The following SLC39A12 variants were observed in gnomAD, a reference collection of about 807,000 sequenced individuals.
SLC39A12 encodes zinc transporter ZIP12.
Under a neutral mutation model 71.1 loss-of-function variants are expected in SLC39A12, and 63 were observed. The observed-to-expected ratio is 0.89, with a 90% CI of 0.72 to 1.09. The LOEUF (loss-of-function observed/expected upper bound fraction) is 1.09, where lower values mean the gene tolerates loss of function less well. Ranked by LOEUF, SLC39A12 falls within the 50% of genes least tolerant of loss-of-function variation. The probability of loss-of-function intolerance (pLI) is 0.00; values close to 1 mark genes in which losing one functional copy is unlikely to be tolerated. For missense variants in SLC39A12, 892 were observed against 812.6 expected (o/e 1.10, Z -1.19); for synonymous variants, 351 against 301.3 (o/e 1.16, Z -1.71).
chr10:17,966,724 C>G (rs1249198543), intron 4 of SLC39A12, among the ~76,000 whole-genome samples: 1 of 151,936 alleles, frequency 6.6e-6, no homozygotes, highest in African/African-American at 2.4e-5. Flanking sequence ...AATCCCAGCA[C>G]TTTGGGAGGC....
intron 12 of SLC39A12, chr10:18,005,635 G>C (rs980279344): frequency 6.6e-6 from 1 of 152,172 alleles, no homozygotes; most frequent in Non-Finnish European, 1.5e-5. Flanking sequence ...CAGAATTGAC[G>C]GGGGAAGGTT....
At position 18,041,639 on chromosome 10, in the gene SLC39A12, A is replaced by G. The variant is rs933334297; in HGVS notation, c.1948-1066A>G. ...TATACATATGTATATATGTGTATAT[A>G]TATGTATATACATATGTATATATGT... On this transcript the variant is annotated intron_variant, in intron 12 of 12. Transcript: ENST00000377369. Among the ~76,000 whole-genome samples the G allele has an allele frequency of 7.0e-3, 718 of 102,998 alleles. 8 individuals are homozygous for G. Among genetic ancestry groups the G allele is most frequent in the African/African-American group, 0.026 (669 of 25,494 alleles). 67.6% of individuals were successfully genotyped at this position (102,998 alleles called of 152,430 possible).
chr10:18,042,244 G>A (rs539289746), intron 12 of SLC39A12, among the ~76,000 whole-genome samples: 27 of 152,104 alleles, frequency 1.8e-4, no homozygotes, highest in South Asian at 1.5e-3. Flanking sequence ...TTGGGAGGCC[G>A]CAACATGCAG....
intron 4 of SLC39A12, among the ~76,000 whole-genome samples, chr10:17,965,942 GA>G (rs1043259157): frequency 6.6e-6 from 1 of 152,218 alleles, no homozygotes; most frequent in Non-Finnish European, 1.5e-5. Flanking sequence ...GTAAAGGGAG[GA>G]GGCGATTTTA....
At chr10:17,988,298 ACT>A (rs1835456797) in intron 7 of SLC39A12, among the ~76,000 whole-genome samples, 1 of 152,084 alleles carries the variant, frequency 6.6e-6, no homozygotes, top group African/African-American at 2.4e-5. Flanking sequence ...ACAGAGCGAG[ACT>A]CTGTCTCAGA....
At chr10:17,995,265 G>A (rs1835655369) in intron 9 of SLC39A12, among the ~76,000 whole-genome samples, 1 of 152,144 alleles carries the variant, frequency 6.6e-6, no homozygotes, top group Non-Finnish European at 1.5e-5. Context: ...ACAGGTTAGA[G>A]GATGGATCTT....
intron 9 of SLC39A12, 84 bp from the exon 10 acceptor site, chr10:17,995,572 C>T (rs1451925363): frequency 2.2e-5 from 27 of 1,255,708 alleles, no homozygotes; most frequent in Non-Finnish European, 3.0e-5. Context: ...TTTAAAAACC[C>T]ATGTAACTCT....
At chr10:17,967,531 T>G (rs372533041) in intron 4 of SLC39A12, among the ~76,000 whole-genome samples, 1 of 152,188 alleles carries the variant, frequency 6.6e-6, no homozygotes, top group East Asian at 1.9e-4. Flanking sequence ...TTTGACAGTT[T>G]TTAAAATAAT....
chr10:18,022,313 GTTTA>G (rs890523564), intron 12 of SLC39A12, among the ~76,000 whole-genome samples: 1 of 150,614 alleles, frequency 6.6e-6, no homozygotes, highest in African/African-American at 2.4e-5. Flanking sequence ...CAGAGGTTTT[GTTTA>G]TTTTTTTTTT....
chr10:18,013,369 TATTA>T (rs1441260075), intron 12 of SLC39A12, among the ~76,000 whole-genome samples: 3 of 148,430 alleles, frequency 2.0e-5, no homozygotes. Flanking sequence ...TTATTATTAT[TATTA>T]TTATTATTAT....
intron 6 of SLC39A12, 61 bp downstream of exon 6, chr10:17,981,544 AAT>A: frequency 7.3e-7 from 1 of 1,367,208 alleles, no homozygotes; most frequent in Non-Finnish European, 1.0e-6. Flanking sequence ...AATAATAGTA[AAT>A]GCAGGATACT....
chr10:18,030,452 G>T (rs2130890245), intron 12 of SLC39A12, among the ~76,000 whole-genome samples: 3 of 151,666 alleles, frequency 2.0e-5, no homozygotes, highest in Middle Eastern at 3.4e-3. Flanking sequence ...TGTTAGCCAG[G>T]ATAGTCTCAA....
Position 17,961,766 on chromosome 10 carries a change from C to T in SLC39A12, c.447C>T (p.Ser149=), listed in dbSNP as rs1834696578. ...EYKFYLHSLL[S]LRQDEDSSFL... ...AATTTTACCTACACAGCCTACTGAG[C>T]CTCAGGCAGGATGAAGATTCCTCTT... Residue 149 remains serine, a synonymous_variant, in exon 3 of 13, where the codon AGC becomes AGT. Coordinates refer to ENST00000377369, the MANE Select transcript of SLC39A12 (RefSeq NM_001145195.2). The T allele has an allele frequency of 6.2e-7, 1 of 1,613,882 alleles. No homozygotes were observed. The highest frequency in any genetic ancestry group is 1.3e-5 in the African/African-American group (1 of 74,886).
chr10:17,995,360 T>G (rs1016422619), intron 9 of SLC39A12, among the ~76,000 whole-genome samples: 1 of 152,224 alleles, frequency 6.6e-6, no homozygotes, highest in African/African-American at 2.4e-5. Context: ...CATAAAGGCT[T>G]ACATAATTTA....
At chr10:17,955,015 T>C (rs1171762012) in intron 2 of SLC39A12, among the ~76,000 whole-genome samples, 1 of 152,188 alleles carries the variant, frequency 6.6e-6, no homozygotes, top group African/African-American at 2.4e-5. Context: ...TTAATATATA[T>C]AGATGGCAAC....
At chr10:17,994,107 A>T (rs891949295) in intron 9 of SLC39A12, among the ~76,000 whole-genome samples, 1 of 152,152 alleles carries the variant, frequency 6.6e-6, no homozygotes, top group Admixed American at 6.5e-5. Flanking sequence ...CCTTTATTGT[A>T]TTTATTGCTT....
chr10:17,964,428 AC>A (rs568204702), intron 3 of SLC39A12, among the ~76,000 whole-genome samples: 120 of 152,274 alleles, frequency 7.9e-4, no homozygotes, highest in African/African-American at 2.8e-3. Context: ...TTAGAATGCA[AC>A]CTTGACACGA....
chr10:17,968,864 C>T (rs1247462677), intron 4 of SLC39A12, among the ~76,000 whole-genome samples: 1 of 152,080 alleles, frequency 6.6e-6, no homozygotes, highest in East Asian at 1.9e-4. Context: ...CTATAGTTAT[C>T]ATGTCGTGCT....
At chr10:17,960,081 G>C (rs1834648867) in intron 2 of SLC39A12, among the ~76,000 whole-genome samples, 1 of 152,220 alleles carries the variant, frequency 6.6e-6, no homozygotes, top group Non-Finnish European at 1.5e-5. Flanking sequence ...TTGTGGGGAT[G>C]TGACAAGAGT....
Sources: allele counts gnomAD v4.1 joint callset (sites outside exome capture counted in the v4.1 genomes callset), GRCh38; gene constraint gnomAD v4.1.1; transcripts MANE v1.5; gene names NCBI Gene and HGNC (gene_info 2026-07-23, HGNC 2026-07-21).